The following DRC3 variants were observed in gnomAD, a reference collection of about 807,000 sequenced individuals.
DRC3 encodes leucine rich repeat containing 48.
Under a neutral mutation model 57.6 loss-of-function variants are expected in DRC3, and 45 were observed. That is an observed-to-expected ratio of 0.78 (90% CI 0.62 to 1.00). The LOEUF is 1.00. Among genes scored for constraint, DRC3 ranks in the 50% least tolerant of loss-of-function variants. DRC3 has a pLI of 0.00. For missense variants in DRC3, 655 were observed against 675.2 expected, an observed-to-expected ratio of 0.97 and a Z score of 0.33; for synonymous variants, 257 against 272.3, an observed-to-expected ratio of 0.94 and a Z score of 0.55.
chr17:17,990,766 C>T (rs1046757525), intron 5 of DRC3, among the ~76,000 whole-genome samples: 22 of 152,094 alleles, frequency 1.4e-4, no homozygotes, highest in African/African-American at 5.1e-4. Flanking sequence ...CCAAGGTGGG[C>T]GACTCACTTG....
chr17:17,996,307 T>C (rs6502631), intron 8 of DRC3, among the ~76,000 whole-genome samples: 70,434 of 152,140 alleles, frequency 0.46, 18,084 homozygotes, highest in East Asian at 0.9. Flanking sequence ...TGAGCCACCG[T>C]GCCCAGCCAG....
chr17:18,004,364 G>A lies in DRC3; in HGVS notation c.1001G>A (p.Ser334Asn). Reference sequence around the variant, plus strand: ...TAAAGTGCAGTCTATTGTTTCTAGAGTTTAAGTGCCATTCGAGAGGAGTTG... The same window carrying A: ...TAAAGTGCAGTCTATTGTTTCTAGAATTTAAGTGCCATTCGAGAGGAGTTG... ...IAKFEEKHLS[S>N]LSAIREELEL... Residue 334 changes from serine to asparagine, a missense_variant and splice_region_variant, in exon 10 of 14, where the codon AGT becomes AAT. Ser to Asn is a conservative substitution (Grantham distance 46). Transcript: ENST00000399187. 1 of 1,600,772 alleles carries A rather than the reference G, an allele frequency of 6.2e-7. No homozygotes were observed. The highest frequency in any genetic ancestry group is 1.3e-5 in the African/African-American group (1 of 74,946).
intron 2 of DRC3, among the ~76,000 whole-genome samples, chr17:17,976,630 C>T (rs1054853120): frequency 3.3e-5 from 5 of 152,106 alleles, no homozygotes; most frequent in African/African-American, 1.2e-4. Context: ...GCTGAGACCG[C>T]GCCATTGTGC....
chr17:17,977,420 G>T (rs1016303779), intron 2 of DRC3, 162 bp from the exon 3 acceptor site: 1 of 782,142 alleles, frequency 1.3e-6, no homozygotes, highest in Non-Finnish European at 2.0e-6. Context: ...CAGCCTTGGC[G>T]TAAGTATACA....
chr17:17,984,986 A>T (rs2042892022), intron 4 of DRC3, among the ~76,000 whole-genome samples: 1 of 152,156 alleles, frequency 6.6e-6, no homozygotes, highest in Non-Finnish European at 1.5e-5. Flanking sequence ...TAGCAGGAGC[A>T]AACCACAGCC....
chr17:18,006,558 T>C (rs572708100), intron 11 of DRC3: 1 of 453,482 alleles, frequency 2.2e-6, no homozygotes, highest in South Asian at 2.7e-5. Flanking sequence ...CTATAAGGAG[T>C]ACATCAGGTG....
In DRC3 at chr17:17,977,610, G is replaced by C; in HGVS notation, c.12G>C (p.Pro4=). MNQ[P]CNSMEPRVMD... is the part of the protein sequence containing the mutation. ...AAACGTGGGGGAAGATGAACCAGCC[G>C]TGCAACTCGATGGAGCCGAGGGTGA... is the stretch of plus-strand genomic sequence containing the variant. The change falls in exon 3 of 14, where the codon CCG becomes CCC. Residue 4 remains proline (P), a synonymous_variant. Transcript: ENST00000399187. 1 of 1,613,942 alleles carries C rather than the reference G, an allele frequency of 6.2e-7. No homozygotes were observed. The highest frequency in any genetic ancestry group is 8.5e-7 in the Non-Finnish European group (1 of 1,179,882).
chr17:18,015,932 C>T (rs929529398), intron 12 of DRC3, 132 bp from the exon 13 acceptor site: 2 of 899,136 alleles, frequency 2.2e-6, no homozygotes, highest in African/African-American at 3.3e-5. Context: ...TGCGCTGATA[C>T]AAAGGTGGGC....
chr17:17,985,709 G>A (rs1377236717), intron 4 of DRC3, among the ~76,000 whole-genome samples: 1 of 152,130 alleles, frequency 6.6e-6, no homozygotes, highest in African/African-American at 2.4e-5. Context: ...AAATGAGCAA[G>A]CACCTCAAAT....
chr17:17,987,783 A>G (rs1165728462), intron 4 of DRC3, 149 bp from the exon 5 acceptor site: 4 of 736,592 alleles, frequency 5.4e-6, no homozygotes, highest in Non-Finnish European at 8.6e-6. Flanking sequence ...TTCTAAAAAA[A>G]TCACAAACTA....
chr17:18,007,002 T>C, intron 11 of DRC3, 22 bp from the exon 12 acceptor site: 1 of 1,609,688 alleles, frequency 6.2e-7, no homozygotes, highest in Non-Finnish European at 8.5e-7. Context: ...CTCCCGGGCC[T>C]TTGCTTAACT....
intron 9 of DRC3, among the ~76,000 whole-genome samples, chr17:18,000,077 C>CGT (rs35063272): frequency 0.07 from 9,267 of 131,946 alleles, 425 homozygotes; most frequent in East Asian, 0.27. Flanking sequence ...ACTTTGCTTT[C>CGT]GTGTGTGTGT....
At chr17:17,974,966 G>T (rs1041458993) in intron 2 of DRC3, among the ~76,000 whole-genome samples, 27 of 152,324 alleles carry the variant, frequency 1.8e-4, no homozygotes, top group African/African-American at 6.0e-4. Flanking sequence ...AGATGGGAAA[G>T]CCAAGGCTTA....
In DRC3 at chr17:18,000,077, C is replaced by CGTGT. The variant is rs35063272; in HGVS notation, c.999+2469_999+2472dup. On this transcript the variant is annotated intron_variant, in intron 9 of 13. Transcript: ENST00000399187. Reference sequence around the variant, plus strand: ...CATGCCCTGTTTTGTACTTTGCTTTCGTGTGTGTGTGTGTGTGTGTGTGTG... The same window carrying CGTGT: ...CATGCCCTGTTTTGTACTTTGCTTTCGTGTGTGTGTGTGTGTGTGTGTGTGTGTG... 8.2e-3 allele frequency among the ~76,000 whole-genome samples: 1,086 copies of CGTGT among 132,086 alleles called. 8 individuals are homozygous for CGTGT. The highest frequency in any genetic ancestry group is 0.026 in the East Asian group (116 of 4,434). The allele number at this position is 132,086 out of a possible 152,430, so 86.7% of individuals were successfully genotyped here.
Position 18,001,768 on chromosome 17 carries a change from A to G in DRC3, c.1000-2595A>G, listed in dbSNP as rs575856834. Among the ~76,000 whole-genome samples, 7 of 152,320 alleles carry G rather than the reference A, an allele frequency of 4.6e-5. No homozygotes were observed. The East Asian group carries it at 1.3e-3, about 29-fold the overall frequency. ...CAACATAGTAAGACCCCATCTTAAA[A>G]GTAAATACATAAATAAATTTAAAAG... is the stretch of plus-strand genomic sequence containing the variant. On this transcript the variant is annotated intron_variant, in intron 9 of 13. Transcript: ENST00000399187.
In DRC3 at chr17:18,016,593, C is replaced by G. The variant is rs763917499; in HGVS notation, c.1494C>G (p.Arg498=). 6.2e-7 allele frequency: 1 copy of G among 1,613,816 alleles called. No homozygotes were observed. Among genetic ancestry groups the G allele is most frequent in the East Asian group, 2.2e-5 (1 of 44,872 alleles). Residue 498 remains arginine, a synonymous_variant, in exon 14 of 14, where the codon CGC becomes CGG. Coordinates refer to ENST00000399187, the MANE Select transcript of DRC3 (RefSeq NM_031294.4). ...ATGAGATCATGAGGAACCGCAAGCGCGTGAAGGAGATCAATCAGTACATCG... is the reference window on the plus strand; with the variant it reads ...ATGAGATCATGAGGAACCGCAAGCGGGTGAAGGAGATCAATCAGTACATCG... ...HKDEIMRNRK[R]VKEINQYIDH...
intron 6 of DRC3, 115 bp downstream of exon 6, chr17:17,993,026 A>G: frequency 9.1e-7 from 1 of 1,104,686 alleles, no homozygotes; most frequent in Non-Finnish European, 1.3e-6. Flanking sequence ...TAGGAGAGAA[A>G]GGGCAGCTCC....
Position 18,016,873 on chromosome 17 carries a change from TAAAAAAAA to T in DRC3, c.*211_*218del. On this transcript the variant is annotated 3_prime_UTR_variant, in exon 14 of 14. Transcript: ENST00000399187. ...ACTCATTTCACATTTCCCCTACTCA[TAAAAAAAA>T]AAAAAAAATCAGCTGGGTGCGGTGG... is the stretch of plus-strand genomic sequence containing the variant. 1 of 302,360 alleles carries T rather than the reference TAAAAAAAA, an allele frequency of 3.3e-6. No homozygotes were observed. The highest frequency in any genetic ancestry group is 5.3e-5 in the South Asian group (1 of 18,760). The allele number at this position is 302,360 out of a possible 1,614,324, so 18.7% of individuals were successfully genotyped here. A position where few individuals can be genotyped will look rare whatever the true frequency, so the allele number is the denominator to read the frequency against.
intron 5 of DRC3, among the ~76,000 whole-genome samples, chr17:17,989,230 G>A (rs998426885): frequency 2.0e-5 from 3 of 152,202 alleles, no homozygotes; most frequent in Non-Finnish European, 4.4e-5. Context: ...AGTTGGGAAA[G>A]CCTGGCCGCA....
Sources: gnomAD v4.1 joint callset for allele counts (sites outside exome capture counted in the v4.1 genomes callset) on GRCh38, gnomAD v4.1.1 for gene constraint, MANE v1.5 for transcripts, NCBI Gene and HGNC (gene_info 2026-07-23, HGNC 2026-07-21) for gene names.